Variants in MOB3C observed in about 807,000 individuals in gnomAD.
The protein encoded by MOB3C is MOB1, Mps One Binder kinase activator-like 2C.
MOB3C carries 17 observed loss-of-function variants against 19.8 expected under a neutral mutation model. That is an observed-to-expected ratio of 0.86 (90% CI 0.59 to 1.29). MOB3C has a LOEUF of 1.29. Among genes scored for constraint, MOB3C ranks in the 50% most tolerant of loss-of-function variants. The pLI, the probability that MOB3C is intolerant of heterozygous loss-of-function variation, is 0.00. For synonymous variants in MOB3C, 101 were observed against 119.2 expected (o/e 0.85, Z 0.99); for missense variants, 291 against 301.9 (o/e 0.96, Z 0.27).
Position 46,609,438 on chromosome 1 carries a change from C to G in MOB3C, c.*217G>C. 1 of 632,546 alleles carries G rather than the reference C, an allele frequency of 1.6e-6. No individual in the cohort carries two copies. Among genetic ancestry groups the G allele is most frequent in the Non-Finnish European group, 2.8e-6 (1 of 354,890 alleles). The allele number at this position is 632,546 out of a possible 1,614,324, so 39.2% of individuals were successfully genotyped here. On this transcript the variant is annotated 3_prime_UTR_variant, in exon 4 of 4. Coordinates refer to ENST00000319928, the MANE Select transcript of MOB3C (RefSeq NM_201403.3). Reference sequence around the variant, plus strand: ...TCATGCCAGAGGTTTAACTCCACTTCCCTTCTGTTTGCCTGCCTAGATGCT... The same window carrying G: ...TCATGCCAGAGGTTTAACTCCACTTGCCTTCTGTTTGCCTGCCTAGATGCT...
At position 46,608,730 on chromosome 1, in the gene MOB3C, G is replaced by A. The variant is rs1405688139; in HGVS notation, c.*925C>T. 1 of 152,668 alleles carries A rather than the reference G, an allele frequency of 6.6e-6. No individual in the cohort carries two copies. The highest frequency in any genetic ancestry group is 1.5e-5 in the Non-Finnish European group (1 of 68,060). The allele number at this position is 152,668 out of a possible 1,614,324, so 9.5% of individuals were successfully genotyped here. On this transcript the variant is annotated 3_prime_UTR_variant, in exon 4 of 4. Coordinates refer to ENST00000319928, the MANE Select transcript of MOB3C (RefSeq NM_201403.3). This position sits in a 1 kb window ranked among gnomAD's most constrained non-coding sequence, Gnocchi z 4.5. ...GGAGCCAGGTCTGTAGATTCTGGGA[G>A]CTAGAGTGGAGTATATGATTCCCAG...
rs146098342 is a variant in MOB3C, at chr1:46,610,042, C to A, written c.581G>T (p.Arg194Leu). 4.3e-6 allele frequency: 7 copies of A among 1,614,084 alleles called. No individual in the cohort carries two copies. In the African/African-American group the frequency reaches 6.7e-5, roughly 15 times the overall value. The change falls in exon 3 of 4, where the codon CGC becomes CTC. Residue 194 changes from arginine to leucine, a missense_variant. Transcript: ENST00000319928. ...TCYKHFYYFI[R>L]EFSLVDQREL... ...CCGCTGGTCCACCAGACTGAACTCG[C>A]GGATGAAGTAGTAGAAGTGCTTGTA...
At chr1:46,612,098 G>A (rs1675479437) in intron 2 of MOB3C, among the ~76,000 whole-genome samples, 1 of 152,102 alleles carries the variant, frequency 6.6e-6, no homozygotes, top group Non-Finnish European at 1.5e-5. Flanking sequence ...GCAGTGCCTG[G>A]GTGACATCAC....
intron 1 of MOB3C, 176 bp downstream of exon 1, chr1:46,616,535 C>T (rs1240082769): frequency 6.6e-6 from 1 of 151,542 alleles, no homozygotes; most frequent in African/African-American, 2.4e-5. Context: ...CCGACAATCC[C>T]CCCCGCAACT....
At chr1:46,613,468 T>G in intron 1 of MOB3C, 97 bp from the exon 2 acceptor site, 1 of 1,192,138 alleles carries the variant, frequency 8.4e-7, no homozygotes, top group South Asian at 1.5e-5. Flanking sequence ...CTCTCAGCCT[T>G]TGCTCAACCT....
intron 2 of MOB3C, 52 bp downstream of exon 2, chr1:46,612,852 T>C: frequency 6.7e-7 from 1 of 1,491,468 alleles, no homozygotes; most frequent in South Asian, 1.3e-5. Context: ...AACTAAATCC[T>C]CATCTGTGGA....
chr1:46,613,163 CCCGGGTGGTAG>C lies in MOB3C; in HGVS notation c.148_158del (p.Leu50GlyfsTer31). ...CGGCGATCCAGTCGTCGATGTTCTC[CCCGGGTGGTAG>C]CCTCACCACACTGCGCAGGTCCAGG... On this transcript the variant is annotated frameshift_variant, in exon 2 of 4. Transcript: ENST00000319928. LOFTEE classifies it high-confidence loss of function. 1 of 1,614,270 alleles carries C rather than the reference CCCGGGTGGTAG, an allele frequency of 6.2e-7. No individual in the cohort carries two copies. Among genetic ancestry groups the C allele is most frequent in the Non-Finnish European group, 8.5e-7 (1 of 1,180,044 alleles).
At position 46,609,600 on chromosome 1, in the gene MOB3C, A is replaced by G; in HGVS notation, c.*55T>C. The G allele has an allele frequency of 1.9e-6, 3 of 1,612,038 alleles. No individual in the cohort carries two copies. Among genetic ancestry groups the G allele is most frequent in the Non-Finnish European group, 2.5e-6 (3 of 1,178,256 alleles). On this transcript the variant is annotated 3_prime_UTR_variant, in exon 4 of 4. Transcript: ENST00000319928. ...CAGGCTCCTGGGGGTCCCCTCTGCCAGCCACCCTATGTTCAGATCGTCCAT... is the reference window on the plus strand; with the variant it reads ...CAGGCTCCTGGGGGTCCCCTCTGCCGGCCACCCTATGTTCAGATCGTCCAT...
chr1:46,610,680 C>T (rs536709814), intron 2 of MOB3C, among the ~76,000 whole-genome samples: 2 of 152,200 alleles, frequency 1.3e-5, no homozygotes, highest in African/African-American at 4.8e-5. Context: ...CTGTGCCTGG[C>T]CATACTTTTC....
intron 3 of MOB3C, 106 bp from the exon 4 acceptor site, chr1:46,609,790 C>G: frequency 6.9e-7 from 1 of 1,447,834 alleles, no homozygotes; most frequent in East Asian, 2.3e-5. Flanking sequence ...CCTGGCCTTC[C>G]CCCAGCAACC....
chr1:46,613,136 C>A lies in MOB3C; in HGVS notation c.186G>T (p.Val62=). The A allele has an allele frequency of 6.2e-7, 1 of 1,614,258 alleles. No homozygotes were observed. Among genetic ancestry groups the A allele is most frequent in the East Asian group, 2.2e-5 (1 of 44,888 alleles). Residue 62 remains valine (V), a synonymous_variant, in exon 2 of 4, where the codon GTG becomes GTT. Coordinates refer to ENST00000319928, the MANE Select transcript of MOB3C (RefSeq NM_201403.3). ...TGCGGTTGAAGAAGTCCACCACGTG[C>A]ACGGCGATCCAGTCGTCGATGTTCT... ...PGENIDDWIA[V]HVVDFFNRIN... is the part of the protein sequence containing the mutation.
At chr1:46,612,555 T>C (rs969495390) in intron 2 of MOB3C, among the ~76,000 whole-genome samples, 1 of 149,316 alleles carries the variant, frequency 6.7e-6, no homozygotes, top group Non-Finnish European at 1.5e-5. Flanking sequence ...TCCCAGCTAC[T>C]CAGAAGGCTG....
At chr1:46,610,443 G>A (rs1675445799) in intron 2 of MOB3C, among the ~76,000 whole-genome samples, 1 of 152,160 alleles carries the variant, frequency 6.6e-6, no homozygotes, top group Non-Finnish European at 1.5e-5. Context: ...AAGTGCAATG[G>A]CATGATCTCG....
In MOB3C at chr1:46,610,054, T is replaced by G; in HGVS notation, c.569A>C (p.Tyr190Ser). 3.1e-6 allele frequency: 5 copies of G among 1,614,222 alleles called. No homozygotes were observed. The highest frequency in any genetic ancestry group is 4.2e-6 in the Non-Finnish European group (5 of 1,180,042). ...CAGACTGAACTCGCGGATGAAGTAG[T>G]AGAAGTGCTTGTAGCAGGTGTTGAC... The part of the protein sequence containing the change: ...AHVNTCYKHF[Y>S]YFIREFSLVD... The change falls in exon 3 of 4, where the codon TAC becomes TCC. Residue 190 changes from tyrosine to serine, a missense_variant. By Grantham distance (144) the Tyr-to-Ser change is moderately radical (BLOSUM62 -2). Coordinates refer to ENST00000319928, the MANE Select transcript of MOB3C (RefSeq NM_201403.3).
At position 46,612,857 on chromosome 1, in the gene MOB3C, T is replaced by C. The variant is rs559465207; in HGVS notation, c.418+47A>G. 1.1e-4 allele frequency: 161 copies of C among 1,500,202 alleles called. 1 individual carries two copies. In the South Asian group the frequency reaches 2.0e-3, roughly 19 times the overall value. The allele number at this position is 1,500,202 out of a possible 1,614,324, so 92.9% of individuals were successfully genotyped here. ...GTCTATATCAAACTAAATCCTCATC[T>C]GTGGAATGGGCTCCCAGTGGCTCCC... On this transcript the variant is annotated intron_variant, in intron 2 of 3. Transcript: ENST00000319928.
In MOB3C at chr1:46,611,436, G is replaced by T. The variant is rs572591103; in HGVS notation, c.419-1232C>A. 6.6e-6 allele frequency among the ~76,000 whole-genome samples: 1 copy of T among 152,364 alleles called. No individual in the cohort carries two copies. Among genetic ancestry groups the T allele is most frequent in the South Asian group, 2.1e-4 (1 of 4,830 alleles). On this transcript the variant is annotated intron_variant, in intron 2 of 3. Transcript: ENST00000319928. This position sits in a 1 kb window ranked among gnomAD's most constrained non-coding sequence, Gnocchi z 4.1. Reference sequence around the variant, plus strand: ...CATAGTCCCCCATGCTCAAGGCAGAGATCTTGGTGGCTTATGCCCTCTTCT... The same window carrying T: ...CATAGTCCCCCATGCTCAAGGCAGATATCTTGGTGGCTTATGCCCTCTTCT...
chr1:46,613,424 G>C, intron 1 of MOB3C, 53 bp from the exon 2 acceptor site: 1 of 1,463,692 alleles, frequency 6.8e-7, no homozygotes, highest in African/African-American at 1.4e-5. Flanking sequence ...TATCATCTGG[G>C]CTCTGACTTC....
At chr1:46,614,922 G>T in intron 1 of MOB3C, 1 of 1,401,332 alleles carries the variant, frequency 7.1e-7, no homozygotes, top group Non-Finnish European at 1.0e-6. Flanking sequence ...AGCTTGGAGA[G>T]TAGAAACAGG....
chr1:46,612,802 G>T, intron 2 of MOB3C, 102 bp downstream of exon 2: 1 of 1,185,954 alleles, frequency 8.4e-7, no homozygotes, highest in Non-Finnish European at 1.1e-6. Context: ...ACAAAATGGG[G>T]ATGAAAATCA....
Sources: gnomAD v4.1 joint callset for allele counts (sites outside exome capture counted in the v4.1 genomes callset) on GRCh38, gnomAD v4.1.1 for gene constraint, Gnocchi (gnomAD v3.1) non-coding constraint, MANE v1.5 for transcripts, NCBI Gene and HGNC (gene_info 2026-07-23, HGNC 2026-07-21) for gene names.